Variants in HMCN1 observed in about 807,000 individuals in gnomAD.
The protein encoded by HMCN1 is hemicentin-1.
Under a neutral mutation model 625.9 loss-of-function variants are expected in HMCN1, and 321 were observed. The observed-to-expected ratio is 0.51, with a 90% CI of 0.47 to 0.56. The LOEUF (loss-of-function observed/expected upper bound fraction) is 0.56, where lower values mean the gene tolerates loss of function less well. Among genes scored for constraint, HMCN1 ranks in the 20% least tolerant of loss-of-function variants. The probability of loss-of-function intolerance (pLI) is 0.00; values close to 1 mark genes in which losing one functional copy is unlikely to be tolerated. For missense variants in HMCN1, 6,588 were observed against 6,887.3 expected, an observed-to-expected ratio of 0.96 and a Z score of 1.54; for synonymous variants, 2,425 against 2,417.6, an observed-to-expected ratio of 1.00 and a Z score of -0.09.
chr1:186,069,915 G>A (rs180851423), intron 51 of HMCN1, 139 bp downstream of exon 51: 293 of 693,430 alleles, frequency 4.2e-4, no homozygotes, highest in Non-Finnish European at 6.7e-4. Flanking sequence ...ATTAAGGATG[G>A]AAGTTGAATT....
At chr1:186,184,344 G>A (rs780574950) in intron 105 of HMCN1, among the ~76,000 whole-genome samples, 1 of 152,290 alleles carries the variant, frequency 6.6e-6, no homozygotes, top group East Asian at 1.9e-4. Flanking sequence ...ATTTGCATAT[G>A]ATTTTTTGAA....
chr1:186,167,789 C>T (rs1261755435), intron 100 of HMCN1, among the ~76,000 whole-genome samples: 2 of 152,100 alleles, frequency 1.3e-5, no homozygotes, highest in East Asian at 1.9e-4. Context: ...TTTAAGTTTC[C>T]TCCACCCCTT....
At chr1:186,011,363 G>T (rs965422252) in intron 30 of HMCN1, among the ~76,000 whole-genome samples, 1 of 152,102 alleles carries the variant, frequency 6.6e-6, no homozygotes, top group Admixed American at 6.5e-5. Flanking sequence ...TTTTTAATGC[G>T]ATTTTACCTA....
chr1:185,989,443 A>G, intron 20 of HMCN1, 45 bp from the exon 21 acceptor site: 2 of 1,608,852 alleles, frequency 1.2e-6, no homozygotes, highest in Non-Finnish European at 1.7e-6. Context: ...ATCTTGAAAC[A>G]AACAAACAAA....
chr1:185,903,290 T>C (rs1156804404), intron 4 of HMCN1, among the ~76,000 whole-genome samples: 1 of 151,786 alleles, frequency 6.6e-6, no homozygotes, highest in African/African-American at 2.4e-5. Flanking sequence ...TACATGAGTA[T>C]TGGGTGCTCA....
chr1:185,741,809 G>A (rs1557934142), intron 1 of HMCN1, among the ~76,000 whole-genome samples: 2 of 152,216 alleles, frequency 1.3e-5, no homozygotes, highest in Non-Finnish European at 1.5e-5. Context: ...GGGAGTGAAA[G>A]CCTGTTTGGA....
At chr1:186,039,982 C>T in intron 39 of HMCN1, 103 bp downstream of exon 39, 2 of 1,173,704 alleles carry the variant, frequency 1.7e-6, no homozygotes, top group Non-Finnish European at 1.3e-6. Context: ...CAAGGATTAA[C>T]AGATGCTATT....
chr1:186,186,111 G>C (rs1367855183), intron 105 of HMCN1, among the ~76,000 whole-genome samples: 1 of 152,064 alleles, frequency 6.6e-6, no homozygotes, highest in African/African-American at 2.4e-5. Context: ...TAACTCTCTC[G>C]GTTAAGGGAG....
chr1:185,827,245 A>G (rs1296057507), intron 1 of HMCN1, among the ~76,000 whole-genome samples: 1 of 151,850 alleles, frequency 6.6e-6, no homozygotes, highest in Non-Finnish European at 1.5e-5. Context: ...AAAGCTCAGG[A>G]GAAAATAATA....
At chr1:186,037,542 G>T (rs1234607658) in intron 36 of HMCN1, among the ~76,000 whole-genome samples, 1 of 152,120 alleles carries the variant, frequency 6.6e-6, no homozygotes, top group South Asian at 2.1e-4. Flanking sequence ...GATAAAGTAA[G>T]ATATTTTGAG....
intron 1 of HMCN1, among the ~76,000 whole-genome samples, chr1:185,738,175 C>T (rs957240907): frequency 1.3e-5 from 2 of 152,142 alleles, no homozygotes; most frequent in Admixed American, 6.5e-5. Context: ...CCATACAATT[C>T]ATCCACTTAA....
chr1:185,927,691 C>T (rs1011769048), intron 9 of HMCN1, among the ~76,000 whole-genome samples: 1 of 152,190 alleles, frequency 6.6e-6, no homozygotes, highest in Non-Finnish European at 1.5e-5. Context: ...AGTGGTAAGT[C>T]TCTTGACTGC....
intron 63 of HMCN1, 38 bp from the exon 64 acceptor site, chr1:186,090,720 G>A (rs754363973): frequency 4.6e-5 from 74 of 1,606,518 alleles, no homozygotes; most frequent in Non-Finnish European, 5.8e-5. Flanking sequence ...TTTATATCCT[G>A]TGTCTTGTTA....
At chr1:185,799,293 C>T (rs1658622515) in intron 1 of HMCN1, among the ~76,000 whole-genome samples, 1 of 152,154 alleles carries the variant, frequency 6.6e-6, no homozygotes, top group Non-Finnish European at 1.5e-5. Context: ...GCATTTGTGT[C>T]AGCAGATTTT....
chr1:185,893,153 C>T (rs988432310), intron 4 of HMCN1, among the ~76,000 whole-genome samples: 1 of 152,230 alleles, frequency 6.6e-6, no homozygotes, highest in Non-Finnish European at 1.5e-5. Flanking sequence ...GAGGCAATGC[C>T]TCGCCCTGCT....
chr1:186,166,266 A>G lies in HMCN1; in HGVS notation c.15402A>G (p.Lys5134=). 1.2e-6 allele frequency: 2 copies of G among 1,614,138 alleles called. No homozygotes were observed. Among genetic ancestry groups the G allele is most frequent in the Non-Finnish European group, 1.7e-6 (2 of 1,180,000 alleles). ...AMGTYYCSCP[K]GLTIAADGRT... ...GGACTTACTACTGCTCCTGCCCTAAAGGCCTCACCATAGCTGCAGATGGAA... is the reference window on the plus strand; with the variant it reads ...GGACTTACTACTGCTCCTGCCCTAAGGGCCTCACCATAGCTGCAGATGGAA... Residue 5134 remains lysine (K), a synonymous_variant, in exon 99 of 107, where the codon AAA becomes AAG. Transcript: ENST00000271588.
Position 186,103,071 on chromosome 1 carries a change from A to G in HMCN1, c.10574-401A>G, listed in dbSNP as rs1293697765. Among the ~76,000 whole-genome samples the G allele has an allele frequency of 4.6e-5, 7 of 152,254 alleles. No individual in the cohort carries two copies. The South Asian group carries it at 8.3e-4, about 18-fold the overall frequency. ...TAGCAAAATTCCACAGTATTCACGC[A>G]TTGTTTTTGTAGAAACTATTGGTAT... On this transcript the variant is annotated intron_variant, in intron 68 of 106. Transcript: ENST00000271588.
At chr1:186,059,955 C>T (rs928504661) in intron 46 of HMCN1, among the ~76,000 whole-genome samples, 1 of 152,014 alleles carries the variant, frequency 6.6e-6, no homozygotes, top group Non-Finnish European at 1.5e-5. Context: ...GCTTTAATAC[C>T]TCTCAACTGG....
chr1:186,074,927 A>T, intron 53 of HMCN1, 36 bp downstream of exon 53: 1 of 1,502,542 alleles, frequency 6.7e-7, no homozygotes, highest in Non-Finnish European at 9.2e-7. Flanking sequence ...AATGTAATTT[A>T]TATGATCTTT....
Sources: gnomAD v4.1 joint callset for allele counts (sites outside exome capture counted in the v4.1 genomes callset) on GRCh38, gnomAD v4.1.1 for gene constraint, MANE v1.5 for transcripts, NCBI Gene and HGNC (gene_info 2026-07-23, HGNC 2026-07-21) for gene names.